The following SNX29 variants were observed in gnomAD, a reference collection of about 807,000 sequenced individuals.
SNX29 encodes sorting nexin-29.
In SNX29, 78 loss-of-function variants were observed where a neutral mutation model predicts 102.1. The observed-to-expected ratio is 0.76, with a 90% CI of 0.64 to 0.92. The LOEUF (loss-of-function observed/expected upper bound fraction) is 0.92. Ranked by LOEUF, SNX29 falls within the 40% of genes least tolerant of loss-of-function variation. The probability of loss-of-function intolerance (pLI) is 0.00; values close to 1 mark genes in which losing one functional copy is unlikely to be tolerated. For synonymous variants in SNX29, 580 were observed against 414.5 expected (o/e 1.40, Z -4.85); for missense variants, 1,280 against 1,061.7 (o/e 1.21, Z -2.86).
intron 15 of SNX29, among the ~76,000 whole-genome samples, chr16:12,318,490 C>T (rs2080827376): frequency 6.6e-6 from 1 of 152,148 alleles, no homozygotes; most frequent in Non-Finnish European, 1.5e-5. Context: ...GAGGGCAGAA[C>T]CCGGCAGCTT....
intron 13 of SNX29, among the ~76,000 whole-genome samples, chr16:12,142,147 C>T (rs865969941): frequency 7.9e-5 from 12 of 152,190 alleles, no homozygotes; most frequent in African/African-American, 1.4e-4. Context: ...TCAGTTGCCC[C>T]GATCTTTTTG....
chr16:12,555,031 G>A (rs988650404), intron 20 of SNX29, among the ~76,000 whole-genome samples: 2 of 151,870 alleles, frequency 1.3e-5, no homozygotes, highest in African/African-American at 4.9e-5. Context: ...TGCCTGCCTG[G>A]TGCCACCGAG....
intron 18 of SNX29, among the ~76,000 whole-genome samples, chr16:12,476,525 T>C (rs1011392914): frequency 1.4e-5 from 2 of 146,496 alleles, no homozygotes; most frequent in Non-Finnish European, 3.0e-5. Context: ...TTCTCGTTTG[T>C]TGAAGAAGCC....
At chr16:12,219,270 T>C (rs1694685628) in intron 14 of SNX29, among the ~76,000 whole-genome samples, 1 of 152,178 alleles carries the variant, frequency 6.6e-6, no homozygotes, top group South Asian at 2.1e-4. Flanking sequence ...TTTTTTTTTT[T>C]TTGATGTAAC....
chr16:12,522,622 C>T (rs1204057349), intron 19 of SNX29, among the ~76,000 whole-genome samples: 2 of 152,098 alleles, frequency 1.3e-5, no homozygotes, highest in Non-Finnish European at 2.9e-5. Flanking sequence ...AAGTATGTGG[C>T]ACCTCCCGCT....
At chr16:12,555,606 T>C (rs1305417593) in intron 20 of SNX29, among the ~76,000 whole-genome samples, 1 of 151,782 alleles carries the variant, frequency 6.6e-6, no homozygotes, top group Non-Finnish European at 1.5e-5. Flanking sequence ...CAGCTGCCCT[T>C]AGTCCAGTGT....
At chr16:12,272,982 A>G (rs1443450209) in intron 14 of SNX29, among the ~76,000 whole-genome samples, 1 of 152,188 alleles carries the variant, frequency 6.6e-6, no homozygotes, top group South Asian at 2.1e-4. Flanking sequence ...TTTTGGTTAG[A>G]TCAGTATTCA....
intron 15 of SNX29, among the ~76,000 whole-genome samples, chr16:12,282,808 A>G (rs1016964288): frequency 2.6e-5 from 4 of 152,156 alleles, no homozygotes; most frequent in African/African-American, 9.7e-5. Flanking sequence ...GGTGCCCACC[A>G]CAATGCCTGG....
At chr16:12,384,038 C>T (rs1377305016) in intron 16 of SNX29, among the ~76,000 whole-genome samples, 3 of 152,124 alleles carry the variant, frequency 2.0e-5, no homozygotes, top group Admixed American at 2.0e-4. Context: ...CATGTTGTTG[C>T]AAATGACAGG....
At chr16:11,979,943 A>T (rs381584) in intron 1 of SNX29, among the ~76,000 whole-genome samples, 2 of 151,826 alleles carry the variant, frequency 1.3e-5, no homozygotes, top group Admixed American at 1.3e-4. Context: ...TGCTCCGGCC[A>T]TAACATTTTA....
chr16:12,432,995 G>A (rs1306456628), intron 18 of SNX29, among the ~76,000 whole-genome samples: 2 of 152,220 alleles, frequency 1.3e-5, no homozygotes, highest in African/African-American at 2.4e-5. Context: ...TGAGGGTGTG[G>A]GTAGAGGTGG....
chr16:12,023,407 C>CA (rs565812913), intron 3 of SNX29, among the ~76,000 whole-genome samples: 1,795 of 94,480 alleles, frequency 0.019, 24 homozygotes, highest in Middle Eastern at 0.045. Context: ...GACTCTGTCT[C>CA]AAAAAAAAAA....
At chr16:12,497,877 C>T (rs1003460347) in intron 19 of SNX29, among the ~76,000 whole-genome samples, 1 of 152,178 alleles carries the variant, frequency 6.6e-6, no homozygotes, top group Non-Finnish European at 1.5e-5. Context: ...GGACCAATCA[C>T]AGCGACTGTG....
intron 3 of SNX29, among the ~76,000 whole-genome samples, chr16:12,024,933 A>G (rs912633580): frequency 3.9e-5 from 6 of 151,994 alleles, no homozygotes; most frequent in African/African-American, 9.7e-5. Context: ...CATTGTTGCT[A>G]TGTGCCATGG....
intron 1 of SNX29, among the ~76,000 whole-genome samples, chr16:11,997,555 G>A (rs908663524): frequency 4.6e-5 from 7 of 151,122 alleles, no homozygotes; most frequent in Admixed American, 4.6e-4. Flanking sequence ...TCAGCTCACT[G>A]CAGCCATTGC....
chr16:12,419,538 A>G (rs1245662023), intron 18 of SNX29, among the ~76,000 whole-genome samples: 1 of 148,916 alleles, frequency 6.7e-6, no homozygotes, highest in African/African-American at 2.5e-5. Context: ...CTTGAATTTT[A>G]GGGGCTTAGT....
intron 11 of SNX29, among the ~76,000 whole-genome samples, chr16:12,116,733 G>T (rs1244657067): frequency 6.6e-6 from 1 of 152,148 alleles, no homozygotes; most frequent in Non-Finnish European, 1.5e-5. Flanking sequence ...GTGGAAACAG[G>T]CTTAGTCAAT....
At chr16:12,565,832 A>G (rs1369562724) in intron 20 of SNX29, among the ~76,000 whole-genome samples, 3 of 151,866 alleles carry the variant, frequency 2.0e-5, no homozygotes, top group Non-Finnish European at 2.9e-5. Context: ...GTCACCCTCC[A>G]CACCTCTGCC....
intron 11 of SNX29, among the ~76,000 whole-genome samples, chr16:12,116,319 C>G (rs570727682): frequency 1.3e-5 from 2 of 152,182 alleles, no homozygotes; most frequent in African/African-American, 2.4e-5. Flanking sequence ...TGTCCATTAT[C>G]TGAAGAATGG....
Sources: allele counts gnomAD v4.1 joint callset (sites outside exome capture counted in the v4.1 genomes callset), GRCh38; gene constraint gnomAD v4.1.1; transcripts MANE v1.5; gene names NCBI Gene and HGNC (gene_info 2026-07-23, HGNC 2026-07-21).